MTPN: variants seen among roughly 807,000 people sequenced by gnomAD.
The protein encoded by MTPN is granule cell differentiation protein.
In MTPN, 2 loss-of-function variants were observed where a neutral mutation model predicts 13.5. The ratio of observed to expected loss-of-function variants is 0.15; its 90% CI spans 0.06 to 0.47. The LOEUF is 0.47. MTPN is among the 20% of genes least tolerant of loss of function. The pLI, the probability that MTPN is intolerant of heterozygous loss-of-function variation, is 0.97. For missense variants in MTPN, 79 were observed against 137.9 expected, an observed-to-expected ratio of 0.57 and a Z score of 2.14; for synonymous variants, 46 against 51.7, an observed-to-expected ratio of 0.89 and a Z score of 0.48.
intron 3 of MTPN, among the ~76,000 whole-genome samples, chr7:135,940,715 A>G (rs897646598): frequency 1.3e-5 from 2 of 152,154 alleles, no homozygotes; most frequent in Non-Finnish European, 2.9e-5. Context: ...TCCCCCCAAA[A>G]TGTTAGGGAC....
At chr7:135,956,254 C>T (rs946440202) in intron 1 of MTPN, among the ~76,000 whole-genome samples, 6 of 152,136 alleles carry the variant, frequency 3.9e-5, no homozygotes, top group African/African-American at 1.4e-4. Flanking sequence ...TCCCTGCCTC[C>T]GGCCTATACT....
rs1351351425 is a variant in MTPN at position 135,927,770 on chromosome 7, G to T, written c.*2156C>A. On this transcript the variant is annotated 3_prime_UTR_variant, in exon 4 of 4. Coordinates refer to ENST00000393085, the MANE Select transcript of MTPN (RefSeq NM_145808.4). ...TACAAAAAGGTCGAGAAAGAAAAGC[G>T]AAGGCGAAATAGCCTCTACTGCATT... 1 of 463,524 alleles carries T rather than the reference G, an allele frequency of 2.2e-6. No homozygotes were observed. The highest frequency in any genetic ancestry group is 2.0e-5 in the African/African-American group (1 of 49,348). 28.7% of individuals were successfully genotyped at this position (463,524 alleles called of 1,614,324 possible). A position where few individuals can be genotyped will look rare whatever the true frequency, so the allele number is the denominator to read the frequency against.
At chr7:135,955,841 T>TAAA (rs34554274) in intron 1 of MTPN, among the ~76,000 whole-genome samples, 145 of 145,596 alleles carry the variant, frequency 1.0e-3, no homozygotes, top group Middle Eastern at 3.7e-3. Flanking sequence ...CAATGGATTA[T>TAAA]AAAAAAAAAA....
In MTPN at chr7:135,929,842, G is replaced by T; in HGVS notation, c.*84C>A. The T allele has an allele frequency of 1.5e-6, 2 of 1,297,136 alleles. No homozygotes were observed. The highest frequency in any genetic ancestry group is 2.2e-6 in the Non-Finnish European group (2 of 892,496). The allele number at this position is 1,297,136 out of a possible 1,614,324, so 80.4% of individuals were successfully genotyped here. A position where few individuals can be genotyped will look rare whatever the true frequency, so the allele number is the denominator to read the frequency against. On this transcript the variant is annotated 3_prime_UTR_variant, in exon 4 of 4. Coordinates refer to ENST00000393085, the MANE Select transcript of MTPN (RefSeq NM_145808.4). ...TTAAAGTATTTAGCTGAAGAAGCTG[G>T]CAGATAGAGAGTGACAGACAGACAG... is the stretch of plus-strand genomic sequence containing the variant.
intron 1 of MTPN, among the ~76,000 whole-genome samples, chr7:135,957,661 G>T (rs572986864): frequency 3.3e-5 from 5 of 152,128 alleles, no homozygotes; most frequent in Non-Finnish European, 7.4e-5. Flanking sequence ...GTTGAAATTT[G>T]ATCCCAATAT....
intron 1 of MTPN, among the ~76,000 whole-genome samples, chr7:135,966,795 G>A (rs1451813619): frequency 1.3e-5 from 2 of 152,126 alleles, no homozygotes; most frequent in African/African-American, 4.8e-5. Context: ...CAATTTATTT[G>A]CCCTTTTTGG....
chr7:135,974,015 TAATAATCTAAATTTTTCTCTA>T (rs1043945442), intron 1 of MTPN, among the ~76,000 whole-genome samples: 6 of 152,202 alleles, frequency 3.9e-5, no homozygotes, highest in Non-Finnish European at 7.3e-5. Context: ...ACATTTAATG[TAATAATCTAAATTTTTCTCTA>T]AATAATCTAA....
At chr7:135,937,018 A>T (rs531121963) in intron 3 of MTPN, among the ~76,000 whole-genome samples, 4 of 152,328 alleles carry the variant, frequency 2.6e-5, no homozygotes, top group African/African-American at 9.6e-5. Flanking sequence ...AGATATACCC[A>T]CATGAAACAA....
At chr7:135,950,018 T>A (rs768399895) in intron 3 of MTPN, among the ~76,000 whole-genome samples, 1 of 152,188 alleles carries the variant, frequency 6.6e-6, no homozygotes, top group African/African-American at 2.4e-5. Context: ...ACAGCTAGAA[T>A]GGCGGCAACT....
intron 3 of MTPN, among the ~76,000 whole-genome samples, chr7:135,940,117 T>C (rs917409167): frequency 3.9e-5 from 6 of 152,238 alleles, no homozygotes; most frequent in Admixed American, 3.3e-4. Flanking sequence ...CTCCATTATC[T>C]CATGATTTGA....
intron 1 of MTPN, among the ~76,000 whole-genome samples, chr7:135,954,528 G>A (rs1799411388): frequency 6.6e-6 from 1 of 152,134 alleles, no homozygotes; most frequent in African/African-American, 2.4e-5. Context: ...TTTCCTTTCT[G>A]TTAATATTAG....
At chr7:135,945,296 T>C (rs1021999184) in intron 3 of MTPN, among the ~76,000 whole-genome samples, 1 of 152,164 alleles carries the variant, frequency 6.6e-6, no homozygotes, top group African/African-American at 2.4e-5. Flanking sequence ...AAGAAAAATT[T>C]TCTTTTTTCA....
intron 2 of MTPN, among the ~76,000 whole-genome samples, chr7:135,950,902 A>G (rs574202769): frequency 6.6e-6 from 1 of 152,222 alleles, no homozygotes; most frequent in South Asian, 2.1e-4. Context: ...GAGCATAGGG[A>G]GCAGGGCTTT....
At chr7:135,941,230 C>T (rs1407030159) in intron 3 of MTPN, among the ~76,000 whole-genome samples, 1 of 152,184 alleles carries the variant, frequency 6.6e-6, no homozygotes, top group Non-Finnish European at 1.5e-5. Flanking sequence ...CTTTGATTCT[C>T]AGAATAATCC....
intron 1 of MTPN, among the ~76,000 whole-genome samples, chr7:135,971,084 A>G (rs1799686784): frequency 6.6e-6 from 1 of 152,188 alleles, no homozygotes; most frequent in African/African-American, 2.4e-5. Context: ...ATTAGAGTTG[A>G]TATCTTTCTC....
At chr7:135,934,904 G>A (rs1299470278) in intron 3 of MTPN, among the ~76,000 whole-genome samples, 4 of 151,808 alleles carry the variant, frequency 2.6e-5, no homozygotes, top group Non-Finnish European at 5.9e-5. Context: ...CTTGCTCAAC[G>A]TGCTCTTCCT....
At chr7:135,960,349 G>A (rs986476312) in intron 1 of MTPN, among the ~76,000 whole-genome samples, 3 of 151,902 alleles carry the variant, frequency 2.0e-5, no homozygotes. Context: ...ATGATTTCAT[G>A]TTTTTTTAAA....
At chr7:135,968,150 G>C (rs1799634765) in intron 1 of MTPN, among the ~76,000 whole-genome samples, 1 of 151,750 alleles carries the variant, frequency 6.6e-6, no homozygotes, top group African/African-American at 2.4e-5. Flanking sequence ...ACTTACTTTA[G>C]GCCTAAGTAT....
At chr7:135,970,861 T>A (rs1418979397) in intron 1 of MTPN, among the ~76,000 whole-genome samples, 1 of 152,182 alleles carries the variant, frequency 6.6e-6, no homozygotes, top group Admixed American at 6.5e-5. Context: ...AGCTGACATA[T>A]GCTTTCTGAA....
Sources: gnomAD v4.1 joint callset for allele counts (sites outside exome capture counted in the v4.1 genomes callset) on GRCh38, gnomAD v4.1.1 for gene constraint, MANE v1.5 for transcripts, NCBI Gene and HGNC (gene_info 2026-07-23, HGNC 2026-07-21) for gene names.